The following ENOX1 variants were observed in gnomAD, a reference collection of about 807,000 sequenced individuals.
ENOX1 encodes candidate growth-related and time keeping constitutive hydroquinone (NADH) oxidase.
In ENOX1, 42 loss-of-function variants were observed where a neutral mutation model predicts 82.5. That is an observed-to-expected ratio of 0.51 (90% CI 0.40 to 0.66). ENOX1 has a LOEUF of 0.66. ENOX1 is among the 30% of genes least tolerant of loss of function. The pLI, the probability that ENOX1 is intolerant of heterozygous loss-of-function variation, is 0.00. For missense variants in ENOX1, 608 were observed against 811.6 expected, an observed-to-expected ratio of 0.75 and a Z score of 3.05; for synonymous variants, 271 against 282.2, an observed-to-expected ratio of 0.96 and a Z score of 0.40.
At position 43,530,979 on chromosome 13, in the gene ENOX1, G is replaced by A. The variant is rs1254806701; in HGVS notation, c.-218-46827C>T. Among the ~76,000 whole-genome samples, 5 of 151,504 alleles carry A rather than the reference G, an allele frequency of 3.3e-5. No homozygotes were observed. The East Asian group carries it at 9.6e-4, about 29-fold the overall frequency. On this transcript the variant is annotated intron_variant, in intron 2 of 16. Transcript: ENST00000690772. ...AAGCTTTTTGGCCATAAACAATCTG[G>A]GGAAGTCCTTATAAAATAATAAGTG...
rs567836839 is a variant in ENOX1 at position 43,779,911 on chromosome 13, T to C, written c.-285+6741A>G. ...GTGGCTCACACCTGTAATCCCAGCA[T>C]TTTGGGAGGCCAAGGCGGGCAGATC... On this transcript the variant is annotated intron_variant, in intron 1 of 16. Coordinates refer to ENST00000690772, the MANE Select transcript of ENOX1 (RefSeq NM_001347969.2). 5.3e-5 allele frequency among the ~76,000 whole-genome samples: 8 copies of C among 152,072 alleles called. No homozygotes were observed. The East Asian group carries it at 1.4e-3, about 26-fold the overall frequency.
intron 1 of ENOX1, among the ~76,000 whole-genome samples, chr13:43,732,095 G>A (rs967927207): frequency 6.6e-6 from 1 of 152,208 alleles, no homozygotes; most frequent in African/African-American, 2.4e-5. Context: ...TGAGAAGCTT[G>A]TAACACTACC....
intron 2 of ENOX1, among the ~76,000 whole-genome samples, chr13:43,626,664 G>A (rs1282935499): frequency 2.0e-5 from 3 of 151,746 alleles, no homozygotes; most frequent in African/African-American, 4.8e-5. Flanking sequence ...TACTCTATAC[G>A]GTTTCAATGG....
intron 1 of ENOX1, among the ~76,000 whole-genome samples, chr13:43,688,503 C>T (rs1237221131): frequency 2.6e-5 from 4 of 152,168 alleles, no homozygotes; most frequent in Non-Finnish European, 5.9e-5. Context: ...TGGTTCCTGT[C>T]ACCACTACTC....
chr13:43,443,280 T>C (rs1298113234), intron 3 of ENOX1, among the ~76,000 whole-genome samples: 2 of 152,200 alleles, frequency 1.3e-5, no homozygotes, highest in Non-Finnish European at 1.5e-5. Flanking sequence ...AATGTTCCCA[T>C]ATACATAGTA....
intron 3 of ENOX1, among the ~76,000 whole-genome samples, chr13:43,423,332 T>G (rs540688266): frequency 6.6e-6 from 1 of 152,278 alleles, no homozygotes; most frequent in African/African-American, 2.4e-5. Flanking sequence ...GAGTAAATTA[T>G]TCAAGAAAGC....
intron 2 of ENOX1, among the ~76,000 whole-genome samples, chr13:43,654,720 G>C (rs921305448): frequency 2.6e-5 from 4 of 152,260 alleles, no homozygotes; most frequent in Admixed American, 6.5e-5. Flanking sequence ...ATTTGTAAAA[G>C]AAAAGGGGCT....
chr13:43,222,083 G>C (rs966944964), intron 16 of ENOX1, among the ~76,000 whole-genome samples: 2 of 152,100 alleles, frequency 1.3e-5, no homozygotes, highest in Admixed American at 1.3e-4. Context: ...GGGACACCTC[G>C]TGTGTTTCCT....
rs148298861 is a variant in ENOX1 at position 43,735,297 on chromosome 13, G to T, written c.-285+51355C>A. Among the ~76,000 whole-genome samples the T allele has an allele frequency of 1.7e-3, 256 of 152,236 alleles. 1 individual carries two copies. Among genetic ancestry groups the T allele is most frequent in the East Asian group, 0.014 (72 of 5,176 alleles). The stretch of plus-strand genomic sequence containing the variant: ...CAGACATAAAAAATTCCTTTCTGCT[G>T]TATTTAACAAAACAATCATATAATA... On this transcript the variant is annotated intron_variant, in intron 1 of 16. Coordinates refer to ENST00000690772, the MANE Select transcript of ENOX1 (RefSeq NM_001347969.2).
At chr13:43,528,371 T>C (rs1434132224) in intron 2 of ENOX1, among the ~76,000 whole-genome samples, 3 of 152,078 alleles carry the variant, frequency 2.0e-5, no homozygotes, top group Non-Finnish European at 4.4e-5. Flanking sequence ...ACTAGAATTG[T>C]TGGATCAAAA....
chr13:43,659,129 G>A (rs560564828), intron 2 of ENOX1, among the ~76,000 whole-genome samples: 7 of 151,900 alleles, frequency 4.6e-5, no homozygotes, highest in African/African-American at 1.7e-4. Context: ...TATAAATTCT[G>A]TTGTGTTTCA....
intron 2 of ENOX1, among the ~76,000 whole-genome samples, chr13:43,566,471 A>T (rs1014878168): frequency 5.3e-5 from 8 of 152,102 alleles, no homozygotes; most frequent in Non-Finnish European, 1.2e-4. Context: ...AAGGAAGATG[A>T]ACACCCAGGA....
chr13:43,350,028 CTT>C (rs927636380), intron 8 of ENOX1, among the ~76,000 whole-genome samples: 2 of 152,198 alleles, frequency 1.3e-5, no homozygotes, highest in African/African-American at 4.8e-5. Flanking sequence ...GGGTGGGAAA[CTT>C]TAATTCTTTG....
chr13:43,613,316 A>C lies in ENOX1; in HGVS notation c.-219+54163T>G, dbSNP rs114111565. 9.2e-3 allele frequency among the ~76,000 whole-genome samples: 1,396 copies of C among 152,318 alleles called. 29 individuals are homozygous for C. Among genetic ancestry groups the C allele is most frequent in the African/African-American group, 0.032 (1,336 of 41,574 alleles). ...TATTTATACAATTAAAAATGACTCA[A>C]CTATTGGGTACAAGGTTTCTTTTAG... On this transcript the variant is annotated intron_variant, in intron 2 of 16. Coordinates refer to ENST00000690772, the MANE Select transcript of ENOX1 (RefSeq NM_001347969.2).
At chr13:43,401,032 G>A (rs1421433616) in intron 5 of ENOX1, among the ~76,000 whole-genome samples, 3 of 152,042 alleles carry the variant, frequency 2.0e-5, no homozygotes, top group Non-Finnish European at 4.4e-5. Context: ...TCTATAAAAT[G>A]GGGTTAATAA....
intron 11 of ENOX1, among the ~76,000 whole-genome samples, chr13:43,302,565 C>T (rs1033636738): frequency 6.6e-6 from 1 of 152,044 alleles, no homozygotes; most frequent in Non-Finnish European, 1.5e-5. Flanking sequence ...TAGCACTAGA[C>T]TAAAAAATGA....
chr13:43,550,913 C>G (rs892672628), intron 2 of ENOX1, among the ~76,000 whole-genome samples: 8 of 152,164 alleles, frequency 5.3e-5, no homozygotes, highest in African/African-American at 1.4e-4. Flanking sequence ...GTTCGTATTA[C>G]AAAACATGCT....
intron 1 of ENOX1, among the ~76,000 whole-genome samples, chr13:43,753,962 C>CTGATGTATTTCTTCTGTGTATATAAGG: frequency 1.3e-4 from 1 of 7,432 alleles, no homozygotes; most frequent in Non-Finnish European, 4.5e-4. Flanking sequence ...GAGACATAAA[C>CTGATGTATTTCTTCTGTGTATATAAGG]TGATGTATTT....
At chr13:43,784,941 C>T (rs999012121) in intron 1 of ENOX1, among the ~76,000 whole-genome samples, 3 of 152,208 alleles carry the variant, frequency 2.0e-5, no homozygotes, top group Non-Finnish European at 4.4e-5. Context: ...ATCATTTATA[C>T]GTACACATAT....
Sources: allele counts gnomAD v4.1 joint callset (sites outside exome capture counted in the v4.1 genomes callset), GRCh38; gene constraint gnomAD v4.1.1; transcripts MANE v1.5; gene names NCBI Gene and HGNC (gene_info 2026-07-23, HGNC 2026-07-21).